GK5: variants seen among roughly 807,000 people sequenced by gnomAD.
GK5 encodes the protein ATP:glycerol 3-phosphotransferase 5.
A neutral mutation model predicts 77.3 loss-of-function variants in GK5; 39 were observed. The ratio of observed to expected loss-of-function variants is 0.50; its 90% CI spans 0.39 to 0.66. The LOEUF is 0.66. GK5 is among the 30% of genes least tolerant of loss of function. The pLI, the probability that GK5 is intolerant of heterozygous loss-of-function variation, is 0.00. For missense variants in GK5, 487 were observed against 633.8 expected, an observed-to-expected ratio of 0.77 and a Z score of 2.49; for synonymous variants, 211 against 208.0, an observed-to-expected ratio of 1.01 and a Z score of -0.13.
rs2063633734 is a variant in GK5, at chr3:142,177,553, T to C, written c.1072A>G (p.Thr358Ala). ...QLDLFTDAAE[T>A]EKMAKSLEDS... ...TCCAAACTTTTGGCCATTTTTTCAG[T>C]CTCAGCAGCATCTGTGAAAAGGTCT... The change falls in exon 12 of 16, where the codon ACT (threonine) becomes GCT (alanine). Residue 358 changes from threonine to alanine, a missense_variant. Thr to Ala is a moderately conservative substitution (Grantham distance 58, BLOSUM62 0). Transcript: ENST00000392993. The C allele has an allele frequency of 6.2e-7, 1 of 1,612,326 alleles. No homozygotes were observed. Among genetic ancestry groups the C allele is most frequent in the Non-Finnish European group, 8.5e-7 (1 of 1,178,666 alleles).
At chr3:142,166,342 T>C (rs982548715) in intron 15 of GK5, among the ~76,000 whole-genome samples, 3 of 152,240 alleles carry the variant, frequency 2.0e-5, no homozygotes, top group African/African-American at 7.2e-5. Context: ...AAGATTTTTG[T>C]CTTACAGCTT....
At chr3:142,216,707 G>A (rs1472705273) in intron 1 of GK5, among the ~76,000 whole-genome samples, 1 of 152,138 alleles carries the variant, frequency 6.6e-6, no homozygotes, top group East Asian at 1.9e-4. Context: ...AGAAAGTTGT[G>A]TATGAACTCT....
chr3:142,219,573 G>T (rs2064315462), intron 1 of GK5, among the ~76,000 whole-genome samples: 1 of 152,154 alleles, frequency 6.6e-6, no homozygotes, highest in African/African-American at 2.4e-5. Flanking sequence ...AGGTGAGTGG[G>T]GAGATGTGAC....
chr3:142,181,754 A>T (rs2063700177), intron 10 of GK5, among the ~76,000 whole-genome samples, 189 bp from the exon 11 acceptor site: 1 of 152,238 alleles, frequency 6.6e-6, no homozygotes, highest in Non-Finnish European at 1.5e-5. Context: ...TTTTAGCCTC[A>T]GTTTCCTTAA....
intron 1 of GK5, among the ~76,000 whole-genome samples, chr3:142,221,520 T>TATA (rs2064346717): frequency 6.6e-6 from 1 of 152,198 alleles, no homozygotes. Flanking sequence ...ATAATAAAAG[T>TATA]TAATTTTTTT....
chr3:142,209,987 C>T (rs1405587382), intron 3 of GK5, among the ~76,000 whole-genome samples: 4 of 151,132 alleles, frequency 2.6e-5, no homozygotes, highest in Admixed American at 1.3e-4. Flanking sequence ...TTTAAAAGAA[C>T]CAAAATGGAA....
chr3:142,176,505 T>C (rs2063612151), intron 12 of GK5, among the ~76,000 whole-genome samples: 1 of 152,056 alleles, frequency 6.6e-6, no homozygotes, highest in African/African-American at 2.4e-5. Context: ...TAAAAGTATT[T>C]GTAATAATAT....
intron 4 of GK5, among the ~76,000 whole-genome samples, chr3:142,203,424 T>C (rs1415153293): frequency 1.3e-5 from 2 of 152,204 alleles, no homozygotes; most frequent in Admixed American, 1.3e-4. Context: ...GGGCGCCATC[T>C]GATACCAGTA....
Position 142,158,990 on chromosome 3 carries a change from T to C in GK5, c.*6632A>G, listed in dbSNP as rs2063403226. On this transcript the variant is annotated 3_prime_UTR_variant, in exon 16 of 16. Transcript: ENST00000392993. ...ATTTTGCCTGGAAAGATTTAAAAAA[T>C]CCCACATAATCACATAAACCACTGG... The C allele has an allele frequency of 6.6e-6, 1 of 152,260 alleles. No homozygotes were observed. The highest frequency in any genetic ancestry group is 6.5e-5 in the Admixed American group (1 of 15,294). 9.4% of individuals were successfully genotyped at this position (152,260 alleles called of 1,614,324 possible).
At chr3:142,170,283 A>T (rs1395932554) in intron 15 of GK5, 42 bp downstream of exon 15, 1 of 1,600,686 alleles carries the variant, frequency 6.2e-7, no homozygotes, top group South Asian at 1.1e-5. Flanking sequence ...TGTAAGGAAG[A>T]GTTTGCAAGA....
At chr3:142,203,197 CCTT>C (rs1354974736) in intron 4 of GK5, among the ~76,000 whole-genome samples, 2 of 152,110 alleles carry the variant, frequency 1.3e-5, no homozygotes, top group Non-Finnish European at 2.9e-5. Context: ...ATTACTGTGT[CCTT>C]CTTATTAACA....
At chr3:142,210,694 C>T (rs780068036) in intron 3 of GK5, among the ~76,000 whole-genome samples, 9 of 152,214 alleles carry the variant, frequency 5.9e-5, no homozygotes, top group Non-Finnish European at 8.8e-5. Flanking sequence ...AGTCTTATCC[C>T]TCTACAACAC....
intron 15 of GK5, among the ~76,000 whole-genome samples, chr3:142,168,888 C>G (rs925223321): frequency 5.3e-5 from 8 of 152,126 alleles, no homozygotes; most frequent in Non-Finnish European, 1.0e-4. Context: ...TGATGAATGC[C>G]TTTGCACAAG....
chr3:142,185,672 T>C (rs751752268), intron 9 of GK5: 58 of 1,309,770 alleles, frequency 4.4e-5, no homozygotes, highest in Middle Eastern at 2.4e-4. Context: ...TTAAGTTTTC[T>C]GATAAACAAT....
At position 142,207,432 on chromosome 3, in the gene GK5, C is replaced by T. The variant is rs552037756; in HGVS notation, c.318-2644G>A. On this transcript the variant is annotated intron_variant, in intron 3 of 15. Transcript: ENST00000392993. ...TACTGCTGATCAATATCTTGCTAAT[C>T]ATAGGTTATGGAAAGATTGTGTTTC... Among the ~76,000 whole-genome samples the T allele has an allele frequency of 8.5e-5, 13 of 152,310 alleles. No homozygotes were observed. The East Asian group carries it at 2.5e-3, about 29-fold the overall frequency.
chr3:142,188,623 A>G (rs1043882099), intron 5 of GK5, among the ~76,000 whole-genome samples: 2 of 152,288 alleles, frequency 1.3e-5, no homozygotes, highest in African/African-American at 2.4e-5. Context: ...ACAGCAAATT[A>G]AAAATGGTTT....
chr3:142,185,097 G>A (rs1223843820), intron 9 of GK5: 1 of 985,216 alleles, frequency 1.0e-6, no homozygotes, highest in Non-Finnish European at 1.2e-6. Context: ...GGAAATCAAA[G>A]GCAATGTGAA....
chr3:142,185,614 C>T (rs2063758423), intron 9 of GK5: 2 of 1,129,370 alleles, frequency 1.8e-6, no homozygotes, highest in Non-Finnish European at 2.2e-6. Context: ...CTCAGAGTAC[C>T]AAATGTAAAC....
intron 1 of GK5, among the ~76,000 whole-genome samples, chr3:142,222,303 T>G (rs1303455993): frequency 6.6e-6 from 1 of 152,206 alleles, no homozygotes; most frequent in Non-Finnish European, 1.5e-5. Flanking sequence ...CAGTGGCTCA[T>G]GCCTGTAATC....
Sources: gnomAD v4.1 joint callset for allele counts (sites outside exome capture counted in the v4.1 genomes callset) on GRCh38, gnomAD v4.1.1 for gene constraint, MANE v1.5 for transcripts, NCBI Gene and HGNC (gene_info 2026-07-23, HGNC 2026-07-21) for gene names.